Variants in NDUFS4 observed in about 807,000 individuals in gnomAD.
NDUFS4 encodes the protein NADH dehydrogenase [ubiquinone] iron-sulfur protein 4, mitochondrial.
NDUFS4 carries 28 observed loss-of-function variants against 24.3 expected under a neutral mutation model. The ratio of observed to expected loss-of-function variants is 1.15; its 90% confidence interval spans 0.85 to 1.58. The LOEUF (loss-of-function observed/expected upper bound fraction) is 1.58, where lower values mean the gene tolerates loss of function less well. Among genes scored for constraint, NDUFS4 ranks in the 40% most tolerant of loss-of-function variants. NDUFS4 has a pLI of 0.00. For missense variants in NDUFS4, 223 were observed against 207.9 expected (o/e 1.07, Z -0.45); for synonymous variants, 93 against 69.7 (o/e 1.34, Z -1.67).
chr5:53,568,873 A>G (rs986971120), intron 1 of NDUFS4, among the ~76,000 whole-genome samples: 1 of 152,108 alleles, frequency 6.6e-6, no homozygotes, highest in African/African-American at 2.4e-5. Context: ...TTTGCAATAT[A>G]TTTTCTGTAT....
chr5:53,639,582 T>A (rs1260758138), intron 2 of NDUFS4, among the ~76,000 whole-genome samples: 1 of 152,206 alleles, frequency 6.6e-6, no homozygotes, highest in South Asian at 2.1e-4. Context: ...AATGTTATTA[T>A]TGAAGAGTTC....
At chr5:53,640,950 C>A (rs754091451) in intron 2 of NDUFS4, among the ~76,000 whole-genome samples, 51 of 152,128 alleles carry the variant, frequency 3.4e-4, no homozygotes, top group Non-Finnish European at 4.4e-4. Flanking sequence ...AAGACCGGGA[C>A]CTTTATTACA....
intron 2 of NDUFS4, among the ~76,000 whole-genome samples, chr5:53,634,197 A>G (rs1751485646): frequency 6.6e-6 from 1 of 152,176 alleles, no homozygotes; most frequent in South Asian, 2.1e-4. Flanking sequence ...ATCCCCTTAC[A>G]CTTTTTTAAT....
intron 4 of NDUFS4, among the ~76,000 whole-genome samples, chr5:53,673,690 G>C (rs1312504780): frequency 1.3e-5 from 2 of 152,118 alleles, no homozygotes; most frequent in African/African-American, 4.8e-5. Flanking sequence ...GCATTGCAAA[G>C]TTTTACCTCT....
At chr5:53,654,241 C>T (rs1752100268) in intron 3 of NDUFS4, among the ~76,000 whole-genome samples, 1 of 151,934 alleles carries the variant, frequency 6.6e-6, no homozygotes, top group African/African-American at 2.4e-5. Flanking sequence ...TGTTGAAGGG[C>T]ATTTTCTGTA....
At chr5:53,595,022 A>G (rs571630774) in intron 1 of NDUFS4, among the ~76,000 whole-genome samples, 1 of 152,214 alleles carries the variant, frequency 6.6e-6, no homozygotes, top group African/African-American at 2.4e-5. Flanking sequence ...TATTTATTGA[A>G]TAGCCCACCT....
At chr5:53,630,650 C>A (rs1241491143) in intron 2 of NDUFS4, among the ~76,000 whole-genome samples, 1 of 151,924 alleles carries the variant, frequency 6.6e-6, no homozygotes, top group Non-Finnish European at 1.5e-5. Context: ...CACTGATATC[C>A]TTTCTTCAGC....
intron 2 of NDUFS4, among the ~76,000 whole-genome samples, chr5:53,620,756 AT>A (rs1751008346): frequency 6.6e-6 from 1 of 152,172 alleles, no homozygotes; most frequent in African/African-American, 2.4e-5. Context: ...TTCATCATTT[AT>A]TTGGCGAACT....
At chr5:53,659,812 A>T (rs1047361301) in intron 4 of NDUFS4, among the ~76,000 whole-genome samples, 1 of 152,154 alleles carries the variant, frequency 6.6e-6, no homozygotes, top group East Asian at 1.9e-4. Context: ...GCTTATGATT[A>T]AAAGTCTGAA....
chr5:53,628,979 A>T (rs1751315233), intron 2 of NDUFS4, among the ~76,000 whole-genome samples: 1 of 152,046 alleles, frequency 6.6e-6, no homozygotes, highest in Admixed American at 6.6e-5. Context: ...TTAGGGTGTC[A>T]GTTTTAGCTC....
At chr5:53,662,968 A>T (rs1016971734) in intron 4 of NDUFS4, among the ~76,000 whole-genome samples, 2 of 151,352 alleles carry the variant, frequency 1.3e-5, no homozygotes, top group African/African-American at 4.9e-5. Context: ...TAGTGCTATA[A>T]ATTTCCCTCT....
chr5:53,650,105 T>C (rs189043700), intron 3 of NDUFS4, among the ~76,000 whole-genome samples: 125 of 152,334 alleles, frequency 8.2e-4, no homozygotes, highest in African/African-American at 2.9e-3. Context: ...ATTACTGTTT[T>C]TCAATCACAT....
chr5:53,652,447 CATATGTTTTCCT>C (rs1561387524), intron 3 of NDUFS4, among the ~76,000 whole-genome samples: 2 of 151,976 alleles, frequency 1.3e-5, no homozygotes, highest in Non-Finnish European at 2.9e-5. Context: ...AATGTTTTCC[CATATGTTTTCCT>C]CAGTGGGGAT....
intron 3 of NDUFS4, 22 bp downstream of exon 3, chr5:53,646,427 G>T: frequency 6.2e-7 from 1 of 1,609,924 alleles, no homozygotes; most frequent in South Asian, 1.1e-5. Flanking sequence ...ATTTTAATGT[G>T]AATATTGTCA....
At chr5:53,567,649 A>G (rs554429876) in intron 1 of NDUFS4, among the ~76,000 whole-genome samples, 1 of 151,970 alleles carries the variant, frequency 6.6e-6, no homozygotes, top group Non-Finnish European at 1.5e-5. Flanking sequence ...AGTGTCTGCT[A>G]TGCTTTCTGA....
At chr5:53,632,155 G>A (rs972321284) in intron 2 of NDUFS4, among the ~76,000 whole-genome samples, 1 of 152,156 alleles carries the variant, frequency 6.6e-6, no homozygotes, top group Non-Finnish European at 1.5e-5. Context: ...GTTCCTATTT[G>A]GCCATCTTGC....
At chr5:53,667,486 C>CAAA (rs34400470) in intron 4 of NDUFS4, among the ~76,000 whole-genome samples, 2 of 135,918 alleles carry the variant, frequency 1.5e-5, no homozygotes, top group Non-Finnish European at 3.2e-5. Context: ...ACTCTGTCTC[C>CAAA]AAAAAAAAAA....
chr5:53,580,495 G>T (rs755998785), intron 1 of NDUFS4, among the ~76,000 whole-genome samples: 9 of 152,150 alleles, frequency 5.9e-5, no homozygotes, highest in Non-Finnish European at 1.2e-4. Context: ...TGCTCTTCAT[G>T]AAAGATGTGA....
At chr5:53,586,589 CTT>C (rs1481580414) in intron 1 of NDUFS4, among the ~76,000 whole-genome samples, 1 of 152,094 alleles carries the variant, frequency 6.6e-6, no homozygotes, top group East Asian at 2.0e-4. Context: ...GTGGCGCAAT[CTT>C]GGCTCACTGC....
Sources: allele counts gnomAD v4.1 joint callset (sites outside exome capture counted in the v4.1 genomes callset), GRCh38; gene constraint gnomAD v4.1.1; transcripts MANE v1.5; gene names NCBI Gene and HGNC (gene_info 2026-07-23, HGNC 2026-07-21).